The following RSPO2 variants were observed in gnomAD, a reference collection of about 807,000 sequenced individuals.
The protein encoded by RSPO2 is R-spondin 2.
In RSPO2, 14 loss-of-function variants were observed where a neutral mutation model predicts 30.9. That is an observed-to-expected ratio of 0.45 (90% CI 0.30 to 0.71). The LOEUF is 0.71. Among genes scored for constraint, RSPO2 ranks in the 30% least tolerant of loss-of-function variants. The probability of loss-of-function intolerance (pLI) is 0.08; values close to 1 mark genes in which losing one functional copy is unlikely to be tolerated. For missense variants in RSPO2, 264 were observed against 301.9 expected (o/e 0.87, Z 0.93); for synonymous variants, 107 against 96.4 (o/e 1.11, Z -0.64).
At position 107,958,147 on chromosome 8, in the gene RSPO2, G is replaced by A. The variant is rs151165897; in HGVS notation, c.549C>T (p.Asp183=). The A allele has an allele frequency of 4.8e-5, 78 of 1,613,742 alleles. No homozygotes were observed. In the African/African-American group the frequency reaches 9.9e-4, roughly 20 times the overall value. Residue 183 remains aspartate (D), a synonymous_variant, in exon 5 of 6, where the codon GAC becomes GAT. Coordinates refer to ENST00000276659, the MANE Select transcript of RSPO2 (RefSeq NM_178565.5). ...CAGCAATGGTTGGACACAGTATTGTGTCTTTCACTGGCTTTTTAACAATTT... is the reference window on the plus strand; with the variant it reads ...CAGCAATGGTTGGACACAGTATTGTATCTTTCACTGGCTTTTTAACAATTT... ...TRQIVKKPVK[D]TILCPTIAES...
chr8:108,007,094 A>C (rs1004504282), intron 2 of RSPO2, among the ~76,000 whole-genome samples: 8 of 152,142 alleles, frequency 5.3e-5, no homozygotes, highest in Non-Finnish European at 1.2e-4. Flanking sequence ...ATTTCTCCCC[A>C]AAAATATTGC....
At chr8:107,983,695 G>C in intron 3 of RSPO2, 1 of 1,593,628 alleles carries the variant, frequency 6.3e-7, no homozygotes, top group South Asian at 1.1e-5. Context: ...AAGATTAAGG[G>C]AAGAAAATAA....
At chr8:107,940,625 T>A (rs1434335778) in intron 5 of RSPO2, among the ~76,000 whole-genome samples, 3 of 152,220 alleles carry the variant, frequency 2.0e-5, no homozygotes, top group Non-Finnish European at 4.4e-5. Context: ...CAAGGCCATT[T>A]AGCATCTGCC....
intron 2 of RSPO2, among the ~76,000 whole-genome samples, chr8:107,993,041 A>G (rs1814899452): frequency 6.6e-6 from 1 of 152,074 alleles, no homozygotes; most frequent in Non-Finnish European, 1.5e-5. Context: ...TCATGTCTCT[A>G]TACAAAAGCA....
At chr8:107,993,297 A>G (rs542645713) in intron 2 of RSPO2, among the ~76,000 whole-genome samples, 2 of 152,340 alleles carry the variant, frequency 1.3e-5, no homozygotes, top group East Asian at 1.9e-4. Context: ...TAATATATGT[A>G]TAAAATATGG....
At chr8:108,036,530 G>A (rs79572476) in intron 2 of RSPO2, among the ~76,000 whole-genome samples, 2,120 of 152,272 alleles carry the variant, frequency 0.014, 53 homozygotes, top group African/African-American at 0.047. Flanking sequence ...CTGTGGCCAT[G>A]GCGCTTTTCA....
intron 2 of RSPO2, among the ~76,000 whole-genome samples, chr8:108,013,997 C>A (rs1810789040): frequency 6.6e-6 from 1 of 151,746 alleles, no homozygotes; most frequent in Non-Finnish European, 1.5e-5. Flanking sequence ...CTTAAATTTA[C>A]AAGAAAAAAA....
intron 5 of RSPO2, among the ~76,000 whole-genome samples, chr8:107,949,162 C>A (rs924159226): frequency 2.0e-5 from 3 of 151,980 alleles, no homozygotes; most frequent in African/African-American, 4.8e-5. Flanking sequence ...ATCCCTCACC[C>A]CCTTCCCCCC....
At chr8:108,063,101 AT>A (rs1440426757) in intron 2 of RSPO2, among the ~76,000 whole-genome samples, 2 of 151,828 alleles carry the variant, frequency 1.3e-5, no homozygotes, top group African/African-American at 4.9e-5. Flanking sequence ...AACTGGAAGC[AT>A]TCCCTTTGAA....
intron 5 of RSPO2, among the ~76,000 whole-genome samples, chr8:107,906,541 A>C (rs1344840602): frequency 6.6e-6 from 1 of 151,980 alleles, no homozygotes; most frequent in Non-Finnish European, 1.5e-5. Context: ...GATAGTAAGC[A>C]GATTCTTTTG....
intron 3 of RSPO2, among the ~76,000 whole-genome samples, chr8:107,978,656 CA>C (rs1814305110): frequency 6.6e-6 from 1 of 152,114 alleles, no homozygotes; most frequent in African/African-American, 2.4e-5. Flanking sequence ...AAAGCAATGG[CA>C]ACAAAAGCCA....
intron 1 of RSPO2, 89 bp from the exon 2 acceptor site, chr8:108,082,896 A>AAG: frequency 2.1e-6 from 1 of 472,478 alleles, no homozygotes; most frequent in Admixed American, 3.7e-5. Context: ...CAATTTAAAG[A>AAG]AGAGAGGGAA....
intron 5 of RSPO2, among the ~76,000 whole-genome samples, chr8:107,947,265 A>T (rs1415716205): frequency 6.6e-6 from 1 of 152,210 alleles, no homozygotes; most frequent in East Asian, 1.9e-4. Context: ...TTTTCAGAGT[A>T]CTCCAAGCTG....
intron 3 of RSPO2, among the ~76,000 whole-genome samples, chr8:107,974,010 C>T (rs1488345906): frequency 6.6e-6 from 1 of 150,586 alleles, no homozygotes; most frequent in Admixed American, 6.7e-5. Context: ...ATACTGTAAG[C>T]CCTCTGTATT....
chr8:107,925,975 A>G (rs1381601525), intron 5 of RSPO2, among the ~76,000 whole-genome samples: 1 of 152,144 alleles, frequency 6.6e-6, no homozygotes, highest in Non-Finnish European at 1.5e-5. Flanking sequence ...CTGAGGAATC[A>G]CCACACTGTC....
intron 2 of RSPO2, among the ~76,000 whole-genome samples, chr8:108,081,452 A>G (rs187051256): frequency 7.2e-4 from 109 of 152,384 alleles, no homozygotes; most frequent in African/African-American, 2.5e-3. Flanking sequence ...CTAATTGCGC[A>G]AAAGTCCAAA....
intron 2 of RSPO2, among the ~76,000 whole-genome samples, chr8:108,041,471 A>G (rs1442710555): frequency 1.3e-5 from 2 of 152,122 alleles, no homozygotes; most frequent in Non-Finnish European, 2.9e-5. Context: ...GACCAACAGC[A>G]AAAGCAACAG....
intron 2 of RSPO2, among the ~76,000 whole-genome samples, chr8:107,995,281 G>A (rs1233224605): frequency 6.6e-6 from 1 of 151,964 alleles, no homozygotes; most frequent in Admixed American, 6.6e-5. Context: ...AATTGTTGGG[G>A]GGCAGAGCTA....
chr8:108,058,944 A>C lies in RSPO2; in HGVS notation c.94+23601T>G, dbSNP rs1812355115. On this transcript the variant is annotated intron_variant, in intron 2 of 5. Coordinates refer to ENST00000276659, the MANE Select transcript of RSPO2 (RefSeq NM_178565.5). ...ATTCAGGACATAGGCATGGGCAAGG[A>C]CTTCATGTCTAAAACACCAAAAGCA... 2.6e-5 allele frequency among the ~76,000 whole-genome samples: 4 copies of C among 151,856 alleles called. No individual in the cohort carries two copies. The South Asian group carries it at 8.3e-4, about 31-fold the overall frequency.
Sources: gnomAD v4.1 joint callset for allele counts (sites outside exome capture counted in the v4.1 genomes callset) on GRCh38, gnomAD v4.1.1 for gene constraint, MANE v1.5 for transcripts, NCBI Gene and HGNC (gene_info 2026-07-23, HGNC 2026-07-21) for gene names.